The following C1QTNF3 variants were observed in gnomAD, a reference collection of about 807,000 sequenced individuals.
The protein encoded by C1QTNF3 is complement C1q tumor necrosis factor-related protein 3.
Under a neutral mutation model 32.6 loss-of-function variants are expected in C1QTNF3, and 26 were observed. The observed-to-expected ratio is 0.80, with a 90% CI of 0.58 to 1.11. The LOEUF (loss-of-function observed/expected upper bound fraction) is 1.11, where lower values mean the gene tolerates loss of function less well. Among genes scored for constraint, C1QTNF3 ranks in the 50% least tolerant of loss-of-function variants. The pLI is 0.00. For synonymous variants in C1QTNF3, 155 were observed against 146.0 expected (o/e 1.06, Z -0.44); for missense variants, 362 against 398.2 (o/e 0.91, Z 0.77).
chr5:34,020,655 GC>G lies in C1QTNF3; in HGVS notation c.887del (p.Gly296AlafsTer89), dbSNP rs1754302375. On this transcript the variant is annotated frameshift_variant, in exon 6 of 6. Coordinates refer to ENST00000382065, the MANE Select transcript of C1QTNF3 (RefSeq NM_181435.6). LOFTEE classifies it high-confidence loss of function. ...GGTGGTCCCCATGGAGAGCGCCATTGCCCATTCGCAGCCAAACCTCATCCCC... is the reference window on the plus strand; with the variant it reads ...GGTGGTCCCCATGGAGAGCGCCATTGCCATTCGCAGCCAAACCTCATCCCC... ...AKGDEVWLRM[G>X]NGALHGDHQR... 1 of 1,614,218 alleles carries G rather than the reference GC, an allele frequency of 6.2e-7. No homozygotes were observed. Among genetic ancestry groups the G allele is most frequent in the Non-Finnish European group, 8.5e-7 (1 of 1,180,034 alleles).
the C1QTNF3 span, among the ~76,000 whole-genome samples, chr5:34,072,249 A>G: frequency 2.0e-5 from 3 of 150,558 alleles, no homozygotes; most frequent in Non-Finnish European, 4.4e-5. Context: ...AGGCCTTCCA[A>G]AGACCTGGAA....
the C1QTNF3 span, among the ~76,000 whole-genome samples, chr5:34,172,929 C>T: frequency 6.6e-6 from 1 of 152,036 alleles, no homozygotes; most frequent in African/African-American, 2.4e-5. Context: ...TCTTGTATAT[C>T]GAGGATCACA....
intron 1 of C1QTNF3, among the ~76,000 whole-genome samples, chr5:34,038,987 G>A (rs1470337664): frequency 6.6e-6 from 1 of 152,170 alleles, no homozygotes; most frequent in Non-Finnish European, 1.5e-5. Context: ...ACCTGAAACT[G>A]GTTATCGGCA....
the C1QTNF3 span, among the ~76,000 whole-genome samples, chr5:34,146,556 A>C: frequency 6.6e-6 from 1 of 152,196 alleles, no homozygotes; most frequent in Non-Finnish European, 1.5e-5. Context: ...GACAATAATA[A>C]GCAATTGGGA....
chr5:34,030,320 A>C (rs1754580240), intron 3 of C1QTNF3, among the ~76,000 whole-genome samples: 1 of 152,220 alleles, frequency 6.6e-6, no homozygotes, highest in Non-Finnish European at 1.5e-5. Flanking sequence ...AAGAGAATTA[A>C]CTTGAGAAAC....
At chr5:34,115,470 C>T in the C1QTNF3 span, among the ~76,000 whole-genome samples, 2 of 152,124 alleles carry the variant, frequency 1.3e-5, no homozygotes, top group African/African-American at 4.8e-5. Flanking sequence ...GTGGCTCATG[C>T]CTGTAATCTC....
At chr5:34,123,746 A>T in the C1QTNF3 span, among the ~76,000 whole-genome samples, 2 of 151,980 alleles carry the variant, frequency 1.3e-5, no homozygotes, top group Non-Finnish European at 2.9e-5. Flanking sequence ...TAAATGCTGC[A>T]ATTTTTTTCA....
the C1QTNF3 span, among the ~76,000 whole-genome samples, chr5:34,162,562 C>T: frequency 6.6e-6 from 1 of 152,132 alleles, no homozygotes; most frequent in East Asian, 1.9e-4. Flanking sequence ...ATCATTTCTA[C>T]AGTTGAGATT....
At chr5:34,178,381 C>A in the C1QTNF3 span, among the ~76,000 whole-genome samples, 1 of 152,210 alleles carries the variant, frequency 6.6e-6, no homozygotes. Context: ...GCAGAAGTGT[C>A]ATTCTGTAAG....
intron 1 of C1QTNF3, among the ~76,000 whole-genome samples, chr5:34,041,563 C>T (rs1163832915): frequency 1.3e-5 from 2 of 152,142 alleles, no homozygotes; most frequent in Non-Finnish European, 2.9e-5. Context: ...CAAACAAAAA[C>T]CCACACACAA....
At chr5:34,112,885 T>A in the C1QTNF3 span, among the ~76,000 whole-genome samples, 17 of 152,136 alleles carry the variant, frequency 1.1e-4, no homozygotes, top group East Asian at 7.8e-4. Flanking sequence ...TTTCTTTCAG[T>A]AATGCGGGCA....
Position 34,018,210 on chromosome 5 carries a change from G to A in C1QTNF3, c.*2373C>T, listed in dbSNP as rs753742997. Among the ~76,000 whole-genome samples, 163 of 151,188 alleles carry A rather than the reference G, an allele frequency of 1.1e-3. No homozygotes were observed. Among genetic ancestry groups the A allele is most frequent in the Non-Finnish European group, 1.7e-3 (118 of 67,758 alleles). ...ATTAATTTTATACTAAATATTTTGG[G>A]GAATTTTATAAATTTTCTATAGTGA... On this transcript the variant is annotated 3_prime_UTR_variant, in exon 6 of 6. Coordinates refer to ENST00000382065, the MANE Select transcript of C1QTNF3 (RefSeq NM_181435.6).
the C1QTNF3 span, chr5:34,167,396 T>A: frequency 6.6e-6 from 1 of 152,242 alleles, no homozygotes; most frequent in Non-Finnish European, 1.5e-5. Flanking sequence ...TTTCTCTATC[T>A]TACATCTCCC....
At chr5:34,029,176 T>C (rs1317234823) in intron 3 of C1QTNF3, among the ~76,000 whole-genome samples, 2 of 152,232 alleles carry the variant, frequency 1.3e-5, no homozygotes, top group East Asian at 3.8e-4. Flanking sequence ...AAATTTTATA[T>C]GAAATTTTCC....
At chr5:34,171,210 G>C in the C1QTNF3 span, among the ~76,000 whole-genome samples, 7 of 151,574 alleles carry the variant, frequency 4.6e-5, no homozygotes, top group Admixed American at 6.6e-5. Flanking sequence ...TAGAGTTCAG[G>C]GTTTCCACCG....
At chr5:34,126,007 T>C in the C1QTNF3 span, among the ~76,000 whole-genome samples, 1 of 152,188 alleles carries the variant, frequency 6.6e-6, no homozygotes, top group African/African-American at 2.4e-5. Flanking sequence ...CTGAAAATAT[T>C]TCACACAGGA....
chr5:34,226,619 C>T, the C1QTNF3 span, among the ~76,000 whole-genome samples: 1 of 151,480 alleles, frequency 6.6e-6, no homozygotes, highest in African/African-American at 2.4e-5. Flanking sequence ...TCCTGAACAA[C>T]ACAAGGTTTA....
At chr5:34,113,718 T>C in the C1QTNF3 span, among the ~76,000 whole-genome samples, 1 of 152,146 alleles carries the variant, frequency 6.6e-6, no homozygotes, top group Non-Finnish European at 1.5e-5. Flanking sequence ...ATAGCAAACA[T>C]ATATTTCACT....
chr5:34,050,852 G>C, the C1QTNF3 span, among the ~76,000 whole-genome samples: 1 of 152,152 alleles, frequency 6.6e-6, no homozygotes, highest in African/African-American at 2.4e-5. Flanking sequence ...CCACCTCTCA[G>C]CTTCCTTGGA....
Sources: allele counts gnomAD v4.1 joint callset (sites outside exome capture counted in the v4.1 genomes callset), GRCh38; gene constraint gnomAD v4.1.1; transcripts MANE v1.5; gene names NCBI Gene and HGNC (gene_info 2026-07-23, HGNC 2026-07-21).